Variants in NRXN3 observed in about 807,000 individuals in gnomAD.
NRXN3 encodes neurexin III.
NRXN3 carries 32 observed loss-of-function variants against 137.6 expected under a neutral mutation model. The observed-to-expected ratio is 0.23, with a 90% CI of 0.18 to 0.31. The LOEUF (loss-of-function observed/expected upper bound fraction) is 0.31. Ranked by LOEUF, NRXN3 falls within the 10% of genes least tolerant of loss-of-function variation. The probability of loss-of-function intolerance (pLI) is 1.00; values close to 1 mark genes in which losing one functional copy is unlikely to be tolerated. For missense variants in NRXN3, 1,574 were observed against 2,062.5 expected (o/e 0.76, Z 4.59); for synonymous variants, 798 against 784.5 (o/e 1.02, Z -0.29).
chr14:78,394,084 A>AT (rs1250120043), intron 4 of NRXN3, among the ~76,000 whole-genome samples: 1 of 151,894 alleles, frequency 6.6e-6, no homozygotes, highest in East Asian at 1.9e-4. Context: ...AGCCGTATGT[A>AT]TTTTTTTAAA....
intron 4 of NRXN3, among the ~76,000 whole-genome samples, chr14:78,301,003 T>C (rs1006146836): frequency 2.0e-5 from 3 of 151,950 alleles, no homozygotes; most frequent in African/African-American, 7.3e-5. Context: ...CCAGTAAATA[T>C]ATTGAGGGAA....
Position 78,679,554 on chromosome 14 carries a change from A to G in NRXN3, c.1221+28228A>G, listed in dbSNP as rs576596308. Among the ~76,000 whole-genome samples the G allele has an allele frequency of 3.3e-5, 5 of 152,334 alleles. No homozygotes were observed. The South Asian group carries it at 1.0e-3, about 32-fold the overall frequency. ...ATTAACTTTAATAACATGCTAATGT[A>G]TAGAAAGCTACTAAATTTTTCAGAA... On this transcript the variant is annotated intron_variant, in intron 6 of 20. Transcript: ENST00000335750.
intron 7 of NRXN3, among the ~76,000 whole-genome samples, chr14:78,713,505 C>T (rs1158328340): frequency 6.6e-6 from 1 of 152,196 alleles, no homozygotes; most frequent in Non-Finnish European, 1.5e-5. Context: ...TAGCACACCA[C>T]CCATTTTACT....
intron 10 of NRXN3, among the ~76,000 whole-genome samples, chr14:78,857,081 A>C (rs1388822363): frequency 6.6e-6 from 1 of 152,148 alleles, no homozygotes; most frequent in African/African-American, 2.4e-5. Flanking sequence ...ATGTTATGCA[A>C]TGAAAATGTT....
At chr14:79,148,033 A>C (rs1168146462) in intron 15 of NRXN3, among the ~76,000 whole-genome samples, 1 of 152,142 alleles carries the variant, frequency 6.6e-6, no homozygotes, top group East Asian at 1.9e-4. Context: ...TATTCATGAC[A>C]GAATCATACG....
chr14:79,397,602 T>C (rs1291974826), intron 15 of NRXN3, among the ~76,000 whole-genome samples: 1 of 152,204 alleles, frequency 6.6e-6, no homozygotes, highest in Non-Finnish European at 1.5e-5. Flanking sequence ...AAGATGCTTT[T>C]GGTACCTAAG....
intron 19 of NRXN3, among the ~76,000 whole-genome samples, chr14:79,794,371 A>AAAAC (rs938006362): frequency 6.6e-5 from 10 of 152,138 alleles, no homozygotes; most frequent in East Asian, 1.9e-4. Flanking sequence ...CTCAAAAACA[A>AAAAC]AAACAAACAA....
chr14:78,737,557 C>T (rs1406761810), intron 8 of NRXN3, among the ~76,000 whole-genome samples: 13 of 152,034 alleles, frequency 8.6e-5, no homozygotes, highest in Admixed American at 8.5e-4. Flanking sequence ...GCTCTGCTGC[C>T]CAACACACTC....
intron 4 of NRXN3, among the ~76,000 whole-genome samples, chr14:78,588,418 A>G (rs2097087755): frequency 6.6e-6 from 1 of 152,244 alleles, no homozygotes; most frequent in South Asian, 2.1e-4. Context: ...TAATAACTAA[A>G]TGGGACATGT....
At chr14:79,507,923 A>G (rs2096893762) in intron 16 of NRXN3, among the ~76,000 whole-genome samples, 1 of 152,154 alleles carries the variant, frequency 6.6e-6, no homozygotes, top group Admixed American at 6.5e-5. Context: ...GCCTGGGCCC[A>G]GGCACATTCA....
At chr14:78,213,251 T>C (rs2062918461) in intron 1 of NRXN3, among the ~76,000 whole-genome samples, 1 of 147,178 alleles carries the variant, frequency 6.8e-6, no homozygotes, top group Admixed American at 6.8e-5. Flanking sequence ...ATCATCTTAG[T>C]CCTCTTAGGA....
chr14:78,858,613 C>G (rs1221512590), intron 10 of NRXN3, among the ~76,000 whole-genome samples: 3 of 152,144 alleles, frequency 2.0e-5, no homozygotes, highest in Non-Finnish European at 4.4e-5. Context: ...ATAAATTCCT[C>G]AACTACTTAG....
intron 15 of NRXN3, among the ~76,000 whole-genome samples, chr14:79,342,103 TG>T (rs1324276099): frequency 6.6e-6 from 1 of 152,170 alleles, no homozygotes; most frequent in Non-Finnish European, 1.5e-5. Flanking sequence ...GTGGCAGAGC[TG>T]GGAGTGGAGG....
chr14:78,961,628 A>G (rs974633795), intron 11 of NRXN3, among the ~76,000 whole-genome samples: 9 of 152,220 alleles, frequency 5.9e-5, no homozygotes, highest in Middle Eastern at 3.2e-3. Flanking sequence ...TGATACGTTT[A>G]ACCCTGCTAA....
intron 1 of NRXN3, among the ~76,000 whole-genome samples, chr14:78,241,487 G>T (rs541126364): frequency 7.2e-5 from 11 of 152,256 alleles, no homozygotes; most frequent in African/African-American, 2.6e-4. Flanking sequence ...GTGCATGGTG[G>T]TACATGCCTG....
At chr14:79,723,854 A>G (rs1329344203) in intron 19 of NRXN3, among the ~76,000 whole-genome samples, 1 of 152,062 alleles carries the variant, frequency 6.6e-6, no homozygotes. Context: ...CAATCAGTGG[A>G]GCTGACAAGG....
At chr14:78,459,880 G>A (rs1190995860) in intron 4 of NRXN3, among the ~76,000 whole-genome samples, 1 of 152,138 alleles carries the variant, frequency 6.6e-6, no homozygotes, top group Non-Finnish European at 1.5e-5. Context: ...TGTCTACCTG[G>A]AGATAGTGTC....
rs2098740519 is a variant in NRXN3 at position 79,697,685 on chromosome 14, C to T, written c.3762C>T (p.Asp1254=). Residue 1254 remains aspartate (D), a synonymous_variant, in exon 19 of 21, where the codon GAC becomes GAT. Transcript: ENST00000335750. ...CGCAAATAGCCATTGGTGGAAAGGA[C>T]AAAGGACGCCTCTTCCAAGGCCAAC... The part of the protein sequence containing the change: ...TQAQIAIGGK[D]KGRLFQGQLS... The T allele has an allele frequency of 6.2e-7, 1 of 1,612,976 alleles. No homozygotes were observed. The highest frequency in any genetic ancestry group is 1.3e-5 in the African/African-American group (1 of 74,940).
At chr14:78,616,222 C>T (rs1234134287) in intron 4 of NRXN3, among the ~76,000 whole-genome samples, 1 of 152,218 alleles carries the variant, frequency 6.6e-6, no homozygotes, top group Non-Finnish European at 1.5e-5. Flanking sequence ...AAAGTCCAAA[C>T]TTCTTGGCAA....
Sources: allele counts gnomAD v4.1 joint callset (sites outside exome capture counted in the v4.1 genomes callset), GRCh38; gene constraint gnomAD v4.1.1; transcripts MANE v1.5; gene names NCBI Gene and HGNC (gene_info 2026-07-23, HGNC 2026-07-21).